NRG1: variants seen among roughly 807,000 people sequenced by gnomAD.
NRG1 encodes the protein neuregulin 1.
In NRG1, 18 loss-of-function variants were observed where a neutral mutation model predicts 63.8. The observed-to-expected ratio is 0.28, with a 90% CI of 0.19 to 0.42. The LOEUF is 0.42. Among genes scored for constraint, NRG1 ranks in the 10% least tolerant of loss-of-function variants. The pLI, the probability that NRG1 is intolerant of heterozygous loss-of-function variation, is 1.00. For synonymous variants in NRG1, 302 were observed against 301.3 expected, an observed-to-expected ratio of 1.00 and a Z score of -0.02; for missense variants, 762 against 814.7, an observed-to-expected ratio of 0.94 and a Z score of 0.79.
chr8:32,124,702 A>G (rs1347563968), intron 1 of NRG1, among the ~76,000 whole-genome samples: 1 of 151,714 alleles, frequency 6.6e-6, no homozygotes, highest in Admixed American at 6.6e-5. Context: ...CCCCCATCCT[A>G]TTAGCTTTTC....
intron 5 of NRG1, among the ~76,000 whole-genome samples, chr8:32,674,262 C>A (rs10503923): frequency 0.066 from 10,037 of 152,158 alleles, 381 homozygotes; most frequent in East Asian, 0.11. Context: ...TATTCAAAGT[C>A]CAAGACATGA....
intron 1 of NRG1, among the ~76,000 whole-genome samples, chr8:32,456,216 C>G (rs923005452): frequency 1.3e-5 from 2 of 152,162 alleles, no homozygotes; most frequent in Admixed American, 1.3e-4. Flanking sequence ...AACAAGAAAA[C>G]AAATTCTTTA....
At chr8:31,878,208 G>A (rs550125023) in intron 1 of NRG1, among the ~76,000 whole-genome samples, 11 of 152,072 alleles carry the variant, frequency 7.2e-5, no homozygotes, top group Non-Finnish European at 1.3e-4. Context: ...TTCAAATATA[G>A]TTTTTTTCTA....
At chr8:32,773,171 T>G (rs181688361) in intron 7 of NRG1, among the ~76,000 whole-genome samples, 1 of 152,302 alleles carries the variant, frequency 6.6e-6, no homozygotes, top group African/African-American at 2.4e-5. Flanking sequence ...AAGTCCTCTT[T>G]GATTAGTGGT....
At chr8:32,053,311 G>A (rs780631953) in intron 1 of NRG1, among the ~76,000 whole-genome samples, 4 of 152,076 alleles carry the variant, frequency 2.6e-5, no homozygotes, top group African/African-American at 9.7e-5. Context: ...GCCGATACAC[G>A]CTTCACAAGC....
At chr8:32,595,310 C>T (rs1336419161) in intron 1 of NRG1, among the ~76,000 whole-genome samples, 1 of 152,118 alleles carries the variant, frequency 6.6e-6, no homozygotes, top group Admixed American at 6.5e-5. Flanking sequence ...CCCCCTCAGC[C>T]TCCCAGGTAG....
chr8:31,937,296 G>A (rs1437219333), intron 1 of NRG1, among the ~76,000 whole-genome samples: 1 of 152,158 alleles, frequency 6.6e-6, no homozygotes, highest in Admixed American at 6.5e-5. Flanking sequence ...GTGTTGAAAG[G>A]TGTTAGCTAG....
At chr8:32,071,459 T>C (rs762191073) in intron 1 of NRG1, among the ~76,000 whole-genome samples, 11 of 152,184 alleles carry the variant, frequency 7.2e-5, no homozygotes, top group Non-Finnish European at 1.2e-4. Context: ...CATGAGCTAG[T>C]CTGGTCCTGG....
intron 1 of NRG1, among the ~76,000 whole-genome samples, chr8:32,118,110 A>C (rs1228394148): frequency 6.6e-6 from 1 of 152,074 alleles, no homozygotes; most frequent in Non-Finnish European, 1.5e-5. Flanking sequence ...GCCTTATGAA[A>C]TATTGATAGT....
At chr8:31,963,828 G>C (rs1481410711) in intron 1 of NRG1, among the ~76,000 whole-genome samples, 1 of 152,180 alleles carries the variant, frequency 6.6e-6, no homozygotes, top group African/African-American at 2.4e-5. Flanking sequence ...GGTTGAGAGA[G>C]CTCAGCAGTA....
intron 1 of NRG1, among the ~76,000 whole-genome samples, chr8:31,883,686 C>T (rs1830518287): frequency 6.6e-6 from 1 of 152,040 alleles, no homozygotes; most frequent in African/African-American, 2.4e-5. Context: ...GTTCTTAGAT[C>T]CTGCTGTTCA....
intron 1 of NRG1, among the ~76,000 whole-genome samples, chr8:32,446,139 C>A (rs926527517): frequency 6.6e-6 from 1 of 152,168 alleles, no homozygotes; most frequent in Non-Finnish European, 1.5e-5. Flanking sequence ...ATTGGTGTCA[C>A]ACAAAACCTT....
chr8:32,548,416 G>C, exon 1 of NRG1: 1 of 1,110,642 alleles, frequency 9.0e-7, no homozygotes, highest in Non-Finnish European at 1.1e-6. Context: ...CCCCGATCGG[G>C]TTGCGAGGGC....
intron 1 of NRG1, among the ~76,000 whole-genome samples, chr8:31,739,564 T>C (rs553037624): frequency 6.6e-6 from 1 of 152,202 alleles, no homozygotes; most frequent in Admixed American, 6.6e-5. Flanking sequence ...AATGTGTAAC[T>C]ACGACTCTGT....
At chr8:32,763,289 C>T in intron 11 of NRG1, 1 of 1,613,914 alleles carries the variant, frequency 6.2e-7, no homozygotes, top group East Asian at 2.2e-5. Context: ...CAGCTATCAG[C>T]AACTCATCTT....
intron 1 of NRG1, among the ~76,000 whole-genome samples, chr8:32,152,504 C>T (rs771217131): frequency 9.2e-5 from 14 of 152,206 alleles, no homozygotes; most frequent in African/African-American, 1.2e-4. Flanking sequence ...ATTCAGGAGA[C>T]GATCAATGAT....
chr8:32,537,063 G>A (rs1832059781), intron 1 of NRG1, among the ~76,000 whole-genome samples: 1 of 151,112 alleles, frequency 6.6e-6, no homozygotes, highest in Non-Finnish European at 1.5e-5. Flanking sequence ...AAATTGGCCG[G>A]GTGTAGTGGC....
chr8:32,380,208 T>G (rs997037024), intron 1 of NRG1, among the ~76,000 whole-genome samples: 1 of 152,140 alleles, frequency 6.6e-6, no homozygotes, highest in African/African-American at 2.4e-5. Context: ...ATACTTTTTT[T>G]AATAATATAT....
At chr8:32,402,640 C>T (rs1423926566) in intron 1 of NRG1, among the ~76,000 whole-genome samples, 5 of 151,976 alleles carry the variant, frequency 3.3e-5, no homozygotes, top group Non-Finnish European at 1.5e-5. Flanking sequence ...TTGAAGTCAC[C>T]CTTATTTTAC....
Sources: allele counts gnomAD v4.1 joint callset (sites outside exome capture counted in the v4.1 genomes callset), GRCh38; gene constraint gnomAD v4.1.1; transcripts MANE v1.5; gene names NCBI Gene and HGNC (gene_info 2026-07-23, HGNC 2026-07-21).